The following MACROD2 variants were observed in gnomAD, a reference collection of about 807,000 sequenced individuals.
The protein encoded by MACROD2 is mono-ADP ribosylhydrolase 2.
MACROD2 carries 36 observed loss-of-function variants against 70.4 expected under a neutral mutation model. The observed-to-expected ratio is 0.51, with a 90% confidence interval of 0.39 to 0.68. The LOEUF (loss-of-function observed/expected upper bound fraction) is 0.68. Ranked by LOEUF, MACROD2 falls within the 30% of genes least tolerant of loss-of-function variation. MACROD2 has a pLI of 0.00. For missense variants in MACROD2, 496 were observed against 538.4 expected (o/e 0.92, Z 0.78); for synonymous variants, 172 against 178.8 (o/e 0.96, Z 0.30).
chr20:15,984,937 G>A (rs959207508), intron 13 of MACROD2, among the ~76,000 whole-genome samples: 1 of 152,066 alleles, frequency 6.6e-6, no homozygotes, highest in South Asian at 2.1e-4. Context: ...GGGGAAGGGG[G>A]TCTAAAACTA....
chr20:13,998,694 A>G (rs1428794859), intron 1 of MACROD2, among the ~76,000 whole-genome samples: 2 of 152,094 alleles, frequency 1.3e-5, no homozygotes, highest in Non-Finnish European at 2.9e-5. Context: ...GGTGGCTCAC[A>G]CCTGTAATCC....
chr20:15,274,030 T>G (rs2077369231), intron 6 of MACROD2, among the ~76,000 whole-genome samples: 1 of 152,184 alleles, frequency 6.6e-6, no homozygotes, highest in South Asian at 2.1e-4. Flanking sequence ...TATCCTTCTA[T>G]TCAGGGTGAG....
chr20:14,102,496 A>G (rs1019142233), intron 3 of MACROD2, among the ~76,000 whole-genome samples: 1 of 152,196 alleles, frequency 6.6e-6, no homozygotes, highest in Non-Finnish European at 1.5e-5. Context: ...TGGGGGAGCA[A>G]TAGTTCTTAG....
At chr20:15,998,601 G>A (rs566396431) in intron 15 of MACROD2, among the ~76,000 whole-genome samples, 114 of 119,232 alleles carry the variant, frequency 9.6e-4, no homozygotes, top group African/African-American at 3.6e-3. Context: ...GTCTTGCTCT[G>A]TCCCCCAGGC....
At chr20:14,371,612 C>T (rs1216384955) in intron 3 of MACROD2, among the ~76,000 whole-genome samples, 4 of 151,908 alleles carry the variant, frequency 2.6e-5, no homozygotes, top group Non-Finnish European at 4.4e-5. Flanking sequence ...TAATAGTTGA[C>T]CTCAATTTAC....
At chr20:15,352,725 C>T (rs1348534330) in intron 6 of MACROD2, among the ~76,000 whole-genome samples, 1 of 151,984 alleles carries the variant, frequency 6.6e-6, no homozygotes, top group Non-Finnish European at 1.5e-5. Flanking sequence ...AACAGAGAGC[C>T]AAATCATGAG....
At chr20:14,942,249 A>G (rs2074396467) in intron 5 of MACROD2, among the ~76,000 whole-genome samples, 1 of 152,190 alleles carries the variant, frequency 6.6e-6, no homozygotes, top group South Asian at 2.1e-4. Flanking sequence ...ATTAAATGTC[A>G]TATATGAATT....
chr20:14,204,445 TA>T lies in MACROD2; in HGVS notation c.271+118721del, dbSNP rs138183964. ...CGTAGTCTGGTGGGGGCTGAGCTCT[TA>T]AAATGGTGCTGTACCATAGCTGCTT... On this transcript the variant is annotated intron_variant, in intron 3 of 17. Transcript: ENST00000684519. Among the ~76,000 whole-genome samples the T allele has an allele frequency of 7.8e-3, 1,178 of 150,968 alleles. 9 individuals are homozygous for T. Among genetic ancestry groups the T allele is most frequent in the African/African-American group, 0.025 (1,047 of 41,064 alleles).
chr20:15,852,175 C>G (rs985231262), intron 8 of MACROD2, among the ~76,000 whole-genome samples: 1 of 152,192 alleles, frequency 6.6e-6, no homozygotes, highest in East Asian at 1.9e-4. Context: ...CAATATGAGG[C>G]AGGCTCGGAA....
At chr20:14,227,441 G>A (rs145787461) in intron 3 of MACROD2, among the ~76,000 whole-genome samples, 2,066 of 152,112 alleles carry the variant, frequency 0.014, 39 homozygotes, top group African/African-American at 0.046. Flanking sequence ...TGAAGCCAGC[G>A]AGACCACGCA....
intron 8 of MACROD2, among the ~76,000 whole-genome samples, chr20:15,554,546 CAAA>C (rs201068996): frequency 8.9e-5 from 8 of 89,818 alleles, no homozygotes; most frequent in Non-Finnish European, 1.2e-4. Context: ...CCTATTTGGC[CAAA>C]AAAAAAAAAA....
At chr20:14,910,322 T>C (rs914042292) in intron 5 of MACROD2, among the ~76,000 whole-genome samples, 4 of 152,164 alleles carry the variant, frequency 2.6e-5, no homozygotes, top group Non-Finnish European at 5.9e-5. Context: ...GAAAGAAGAT[T>C]GGGGAGCAGA....
At chr20:14,512,677 C>T (rs765525969) in intron 4 of MACROD2, among the ~76,000 whole-genome samples, 19 of 152,026 alleles carry the variant, frequency 1.2e-4, no homozygotes, top group African/African-American at 3.4e-4. Flanking sequence ...ACACCTCACA[C>T]GTACTTGACC....
At chr20:14,518,525 T>G (rs1391124425) in intron 4 of MACROD2, among the ~76,000 whole-genome samples, 1 of 152,180 alleles carries the variant, frequency 6.6e-6, no homozygotes, top group African/African-American at 2.4e-5. Flanking sequence ...TAAATAGTCT[T>G]TAAGATGAAT....
At chr20:15,851,630 G>T (rs1346313082) in intron 8 of MACROD2, among the ~76,000 whole-genome samples, 2 of 152,132 alleles carry the variant, frequency 1.3e-5, no homozygotes, top group Admixed American at 6.5e-5. Context: ...GAGATACTGG[G>T]GGTTAGGACT....
intron 2 of MACROD2, among the ~76,000 whole-genome samples, chr20:14,040,520 T>G (rs2053377096): frequency 6.6e-6 from 1 of 152,204 alleles, no homozygotes; most frequent in Admixed American, 6.5e-5. Flanking sequence ...CTGAGCAGTG[T>G]ACACTGTACC....
chr20:14,207,949 A>G lies in MACROD2; in HGVS notation c.271+122221A>G, dbSNP rs143342604. On this transcript the variant is annotated intron_variant, in intron 3 of 17. Transcript: ENST00000684519. ...AGGTAGAAATACAGCCTTATTTTCT[A>G]TTTGCATTTGTTTATTGCTAATAAT... 2.9e-4 allele frequency among the ~76,000 whole-genome samples: 44 copies of G among 152,290 alleles called. 1 individual carries two copies. The East Asian group carries it at 7.9e-3, about 27-fold the overall frequency.
At chr20:14,775,306 G>A (rs942836838) in intron 5 of MACROD2, among the ~76,000 whole-genome samples, 1 of 151,948 alleles carries the variant, frequency 6.6e-6, no homozygotes, top group Non-Finnish European at 1.5e-5. Context: ...CCTGAGGCGG[G>A]GTAATTTATT....
intron 5 of MACROD2, among the ~76,000 whole-genome samples, chr20:15,065,465 C>T (rs1174467970): frequency 6.6e-6 from 1 of 152,004 alleles, no homozygotes; most frequent in Non-Finnish European, 1.5e-5. Flanking sequence ...ACCATCCTGA[C>T]TAACACAGTG....
Sources: allele counts gnomAD v4.1 joint callset (sites outside exome capture counted in the v4.1 genomes callset), GRCh38; gene constraint gnomAD v4.1.1; transcripts MANE v1.5; gene names NCBI Gene and HGNC (gene_info 2026-07-23, HGNC 2026-07-21).